Variants in PCDH11X observed in about 807,000 individuals in gnomAD.
PCDH11X encodes protocadherin-11 X-linked.
A neutral mutation model predicts 53.3 loss-of-function variants in PCDH11X; 18 were observed. The observed-to-expected ratio is 0.34, with a 90% CI of 0.23 to 0.50. The LOEUF is 0.50. Among genes scored for constraint, PCDH11X ranks in the 20% least tolerant of loss-of-function variants. The pLI, the probability that PCDH11X is intolerant of heterozygous loss-of-function variation, is 0.98. For synonymous variants in PCDH11X, 279 were observed against 393.3 expected, an observed-to-expected ratio of 0.71 and a Z score of 3.44; for missense variants, 570 against 1,032.4, an observed-to-expected ratio of 0.55 and a Z score of 6.14.
rs183814336 is a variant in PCDH11X at position 92,283,843 on chromosome X, G to A, written c.3144+20700G>A. 4.3e-4 allele frequency among the ~76,000 whole-genome samples: 48 copies of A among 111,548 alleles called. 1 individual carries two copies. The East Asian group carries it at 0.01, about 24-fold the overall frequency. On this transcript the variant is annotated intron_variant, in intron 8 of 10. Transcript: ENST00000682573. ...AATTTTTTCTTACATGAAATTCAGT[G>A]TGGAATGAAGGTAGACATATTTCTC...
intron 10 of PCDH11X, among the ~76,000 whole-genome samples, chrX:92,582,477 A>T (rs904497029): frequency 9.2e-6 from 1 of 109,265 alleles, no homozygotes; most frequent in Non-Finnish European, 1.9e-5. Flanking sequence ...CACAGAAGTC[A>T]AGAATTGAGG....
At chrX:92,453,663 A>T (rs761627035) in intron 9 of PCDH11X, among the ~76,000 whole-genome samples, 1 of 110,610 alleles carries the variant, frequency 9.0e-6, no homozygotes, top group Non-Finnish European at 1.9e-5. Context: ...TTTTTCAATA[A>T]TTTTTTCTGC....
chrX:92,217,732 C>T (rs1483869391), intron 7 of PCDH11X, among the ~76,000 whole-genome samples: 3 of 110,066 alleles, frequency 2.7e-5, no homozygotes, highest in Non-Finnish European at 3.8e-5. Context: ...CTCTCCACCC[C>T]AAATCAACAG....
At chrX:92,418,895 C>T (rs1260715524) in intron 9 of PCDH11X, among the ~76,000 whole-genome samples, 6 of 105,756 alleles carry the variant, frequency 5.7e-5, no homozygotes, top group Admixed American at 1.0e-4. Flanking sequence ...TGTAATGTTC[C>T]CTCTAACCAG....
At chrX:92,211,273 G>T (rs1209223197) in intron 7 of PCDH11X, among the ~76,000 whole-genome samples, 1 of 111,506 alleles carries the variant, frequency 9.0e-6, no homozygotes, top group Non-Finnish European at 1.9e-5. Context: ...CATGGTGGGA[G>T]CAGGAGGAAG....
At chrX:92,098,454 T>C (rs982799633) in intron 6 of PCDH11X, among the ~76,000 whole-genome samples, 2 of 110,979 alleles carry the variant, frequency 1.8e-5, no homozygotes, top group African/African-American at 6.5e-5. Flanking sequence ...CGGTTGGTCA[T>C]AGAAACCATC....
intron 6 of PCDH11X, among the ~76,000 whole-genome samples, chrX:92,034,903 T>C (rs2063105551): frequency 9.1e-6 from 1 of 110,078 alleles, no homozygotes; most frequent in Admixed American, 9.8e-5. Context: ...CTTTAATTTT[T>C]GTATATCCAT....
At chrX:92,559,060 A>T (rs2075091725) in intron 10 of PCDH11X, among the ~76,000 whole-genome samples, 1 of 111,339 alleles carries the variant, frequency 9.0e-6, no homozygotes, top group Non-Finnish European at 1.9e-5. Flanking sequence ...AGTTGATTTT[A>T]CTTGTCATTG....
intron 10 of PCDH11X, among the ~76,000 whole-genome samples, chrX:92,475,108 T>C (rs1335310415): frequency 1.2e-5 from 1 of 82,909 alleles, no homozygotes; most frequent in African/African-American, 5.0e-5. Context: ...GAGCTTGCAG[T>C]GAGCCGAGAT....
intron 4 of PCDH11X, among the ~76,000 whole-genome samples, chrX:91,823,818 G>T (rs1212469227): frequency 3.6e-5 from 4 of 111,271 alleles, no homozygotes; most frequent in Middle Eastern, 4.6e-3. Flanking sequence ...GGTACCGGTT[G>T]TTCCTTTCCA....
chrX:91,857,726 C>A (rs1938430195), intron 5 of PCDH11X, among the ~76,000 whole-genome samples: 1 of 112,123 alleles, frequency 8.9e-6, no homozygotes, highest in Non-Finnish European at 1.9e-5. Flanking sequence ...ATATCCAGGT[C>A]ATGCTGATGC....
At chrX:92,042,795 C>A (rs2063230216) in intron 6 of PCDH11X, among the ~76,000 whole-genome samples, 1 of 106,980 alleles carries the variant, frequency 9.3e-6, no homozygotes, top group Admixed American at 1.0e-4. Flanking sequence ...CACCCCCACA[C>A]CCAGCTAATT....
intron 10 of PCDH11X, among the ~76,000 whole-genome samples, chrX:92,552,776 A>T (rs189526187): frequency 4.0e-4 from 44 of 111,331 alleles, no homozygotes; most frequent in Admixed American, 2.8e-3. Flanking sequence ...TACTTTCAGC[A>T]TCAGTTGAAA....
intron 10 of PCDH11X, among the ~76,000 whole-genome samples, chrX:92,566,959 C>A (rs1439088784): frequency 9.2e-6 from 1 of 108,351 alleles, no homozygotes; most frequent in African/African-American, 3.4e-5. Context: ...TTCATGAGTT[C>A]TCTATTCTGT....
intron 9 of PCDH11X, among the ~76,000 whole-genome samples, chrX:92,436,918 C>T (rs2072390041): frequency 1.9e-5 from 2 of 103,789 alleles, no homozygotes; most frequent in African/African-American, 7.1e-5. Flanking sequence ...ACTTCCATGA[C>T]ACGAGTTTAC....
intron 6 of PCDH11X, among the ~76,000 whole-genome samples, chrX:91,957,123 C>T (rs1394250126): frequency 9.0e-6 from 1 of 111,262 alleles, no homozygotes; most frequent in East Asian, 2.8e-4. Flanking sequence ...TTATGTTTCT[C>T]TCTAAACTAG....
intron 6 of PCDH11X, among the ~76,000 whole-genome samples, chrX:92,029,529 A>G (rs1021328820): frequency 2.7e-5 from 3 of 111,584 alleles, no homozygotes; most frequent in Admixed American, 9.6e-5. Context: ...CAATGTAATT[A>G]AGATTCTTTT....
chrX:92,569,305 G>A (rs898807670), intron 10 of PCDH11X, among the ~76,000 whole-genome samples: 28 of 110,903 alleles, frequency 2.5e-4, no homozygotes, highest in African/African-American at 9.2e-4. Flanking sequence ...ACTTTATAGG[G>A]TTGCTGTTAT....
chrX:92,027,307 T>C (rs928287561), intron 6 of PCDH11X, among the ~76,000 whole-genome samples: 2 of 111,706 alleles, frequency 1.8e-5, no homozygotes, highest in African/African-American at 6.5e-5. Flanking sequence ...TATTGGCCTG[T>C]AAAAGAAAAC....
Sources: gnomAD v4.1 joint callset for allele counts (sites outside exome capture counted in the v4.1 genomes callset) on GRCh38, gnomAD v4.1.1 for gene constraint, MANE v1.5 for transcripts, NCBI Gene and HGNC (gene_info 2026-07-23, HGNC 2026-07-21) for gene names.